UNC13C: variants seen among roughly 807,000 people sequenced by gnomAD.
UNC13C encodes protein unc-13 homolog C.
In UNC13C, 174 loss-of-function variants were observed where a neutral mutation model predicts 245.4. That is an observed-to-expected ratio of 0.71 (90% CI 0.63 to 0.80). The LOEUF (loss-of-function observed/expected upper bound fraction) is 0.80. Among genes scored for constraint, UNC13C ranks in the 30% least tolerant of loss-of-function variants. The pLI is 0.00. For missense variants in UNC13C, 2,829 were observed against 2,602.9 expected (o/e 1.09, Z -1.89); for synonymous variants, 992 against 895.1 (o/e 1.11, Z -1.93).
intron 17 of UNC13C, among the ~76,000 whole-genome samples, chr15:54,369,602 CAT>C (rs1194572056): frequency 6.6e-6 from 1 of 152,106 alleles, no homozygotes; most frequent in African/African-American, 2.4e-5. Flanking sequence ...ATGAACAAAA[CAT>C]AGCCTAACTT....
chr15:54,518,761 T>C (rs142986893), intron 24 of UNC13C, among the ~76,000 whole-genome samples: 3 of 152,238 alleles, frequency 2.0e-5, no homozygotes, highest in Non-Finnish European at 4.4e-5. Flanking sequence ...TTCACATCGC[T>C]GAGCAGTGGT....
At chr15:54,273,898 T>A (rs1479021772) in intron 10 of UNC13C, among the ~76,000 whole-genome samples, 1 of 152,206 alleles carries the variant, frequency 6.6e-6, no homozygotes. Flanking sequence ...CAGATCCCTG[T>A]TGACTCAGAT....
intron 30 of UNC13C, among the ~76,000 whole-genome samples, chr15:54,570,676 C>G (rs1014830870): frequency 6.6e-6 from 1 of 152,106 alleles, no homozygotes; most frequent in African/African-American, 2.4e-5. Flanking sequence ...CAACAATACA[C>G]CCTTTGGAAA....
chr15:54,037,621 G>T (rs1174687097), intron 2 of UNC13C, among the ~76,000 whole-genome samples: 1 of 152,082 alleles, frequency 6.6e-6, no homozygotes, highest in Non-Finnish European at 1.5e-5. Flanking sequence ...TATGGTAGGA[G>T]ATACTTCTAA....
At chr15:54,480,655 C>G (rs1264025374) in intron 19 of UNC13C, among the ~76,000 whole-genome samples, 2 of 151,880 alleles carry the variant, frequency 1.3e-5, no homozygotes, top group African/African-American at 4.8e-5. Flanking sequence ...GGTTCTCTTG[C>G]TCTGTGTTTC....
At chr15:54,353,286 G>C (rs2039024291) in intron 17 of UNC13C, among the ~76,000 whole-genome samples, 1 of 152,064 alleles carries the variant, frequency 6.6e-6, no homozygotes, top group Non-Finnish European at 1.5e-5. Context: ...AGTATTAAAA[G>C]AAAAACCCAT....
At chr15:54,307,307 G>A (rs1429331503) in intron 13 of UNC13C, among the ~76,000 whole-genome samples, 1 of 151,850 alleles carries the variant, frequency 6.6e-6, no homozygotes, top group East Asian at 1.9e-4. Context: ...CTGTGTGCAA[G>A]CTTCACATGG....
chr15:54,331,621 T>G (rs1166689597), intron 14 of UNC13C, among the ~76,000 whole-genome samples: 1 of 152,096 alleles, frequency 6.6e-6, no homozygotes, highest in Non-Finnish European at 1.5e-5. Flanking sequence ...TAAAAAACTG[T>G]AATATATTGT....
rs1901006838 is a variant in UNC13C at position 54,624,399 on chromosome 15, TG to T, written c.6359+446del. On this transcript the variant is annotated intron_variant, in intron 32 of 32. Transcript: ENST00000260323. ...GAAGAGCAGAACATTTCAGACAAAG[TG>T]AAATAAATAGCTAGTACAAGGACTC... 2.5e-4 allele frequency among the ~76,000 whole-genome samples: 15 copies of T among 59,090 alleles called. No homozygotes were observed. The South Asian group carries it at 6.7e-3, about 26-fold the overall frequency. The allele number at this position is 59,090 out of a possible 152,430, so 38.8% of individuals were successfully genotyped here. A position where few individuals can be genotyped will look rare whatever the true frequency, so the allele number is the denominator to read the frequency against.
chr15:54,498,019 C>T (rs1347485465), intron 20 of UNC13C, among the ~76,000 whole-genome samples: 1 of 152,050 alleles, frequency 6.6e-6, no homozygotes. Flanking sequence ...GGAGATTATG[C>T]TTCTTCAGCA....
At chr15:53,873,357 C>T in the UNC13C span, among the ~76,000 whole-genome samples, 4 of 152,166 alleles carry the variant, frequency 2.6e-5, no homozygotes, top group East Asian at 3.9e-4. Context: ...AGTAGTACCC[C>T]GCAGCTTGCT....
Position 54,345,082 on chromosome 15 carries a change from CT to C in UNC13C, c.4713+6594del, listed in dbSNP as rs199562438. Among the ~76,000 whole-genome samples the C allele has an allele frequency of 1.2e-3, 188 of 152,310 alleles. 6 individuals carry two copies. The East Asian group carries it at 0.027, about 22-fold the overall frequency. ...CTGGCCTATGTTACGCTTCTCACCC[CT>C]CTTACTCTAATGCTGTCCCCTTGCA... On this transcript the variant is annotated intron_variant, in intron 17 of 32. Coordinates refer to ENST00000260323, the MANE Select transcript of UNC13C (RefSeq NM_001080534.3).
chr15:53,971,224 G>A, the UNC13C span, among the ~76,000 whole-genome samples: 662 of 152,270 alleles, frequency 4.3e-3, 3 homozygotes, highest in Middle Eastern at 0.031. Flanking sequence ...AACAAATAAT[G>A]TTGAGAAAAC....
At chr15:54,150,627 C>T (rs1005076824) in intron 4 of UNC13C, among the ~76,000 whole-genome samples, 3 of 152,204 alleles carry the variant, frequency 2.0e-5, no homozygotes, top group Non-Finnish European at 4.4e-5. Flanking sequence ...CTACCTCCAG[C>T]TCTCTCTAGT....
intron 10 of UNC13C, among the ~76,000 whole-genome samples, chr15:54,281,357 A>G (rs953444905): frequency 2.0e-5 from 3 of 152,234 alleles, no homozygotes; most frequent in African/African-American, 7.2e-5. Context: ...ATTTATTATC[A>G]AGACACAAAT....
At chr15:54,505,744 C>CGTT (rs375652536) in intron 22 of UNC13C, among the ~76,000 whole-genome samples, 307 of 129,812 alleles carry the variant, frequency 2.4e-3, no homozygotes, top group African/African-American at 8.5e-3. Context: ...AAGCTATATT[C>CGTT]TTTTTTTTTT....
intron 4 of UNC13C, among the ~76,000 whole-genome samples, chr15:54,173,737 C>G (rs2033505027): frequency 6.6e-6 from 1 of 151,984 alleles, no homozygotes; most frequent in Non-Finnish European, 1.5e-5. Flanking sequence ...ACTAGGCTCT[C>G]CAGTAAAGTG....
At chr15:54,212,977 G>T (rs190551316) in intron 4 of UNC13C, among the ~76,000 whole-genome samples, 1 of 152,126 alleles carries the variant, frequency 6.6e-6, no homozygotes, top group Admixed American at 6.6e-5. Flanking sequence ...CAACATTTTG[G>T]ATTAGAGACA....
At chr15:54,106,343 G>A (rs1900444524) in intron 2 of UNC13C, among the ~76,000 whole-genome samples, 1 of 152,100 alleles carries the variant, frequency 6.6e-6, no homozygotes, top group African/African-American at 2.4e-5. Flanking sequence ...TTCAAGTCTT[G>A]AAGAGAATAA....
Sources: gnomAD v4.1 joint callset for allele counts (sites outside exome capture counted in the v4.1 genomes callset) on GRCh38, gnomAD v4.1.1 for gene constraint, MANE v1.5 for transcripts, NCBI Gene and HGNC (gene_info 2026-07-23, HGNC 2026-07-21) for gene names.